SGCG: variants seen among roughly 807,000 people sequenced by gnomAD.
SGCG encodes the protein sarcoglycan gamma.
A neutral mutation model predicts 29.3 loss-of-function variants in SGCG; 26 were observed. The observed-to-expected ratio is 0.89, with a 90% confidence interval of 0.65 to 1.23. SGCG has a LOEUF of 1.23. SGCG is among the 50% of genes most tolerant of loss of function. The pLI, the probability that SGCG is intolerant of heterozygous loss-of-function variation, is 0.00. For synonymous variants in SGCG, 145 were observed against 129.7 expected, an observed-to-expected ratio of 1.12 and a Z score of -0.80; for missense variants, 353 against 356.0, an observed-to-expected ratio of 0.99 and a Z score of 0.07.
rs546170847 is a variant in SGCG at position 23,299,514 on chromosome 13, G to A, written c.578+4027G>A. On this transcript the variant is annotated intron_variant, in intron 6 of 7. Transcript: ENST00000218867. ...TGTCCCCAGGCTGGGGTGCAGTGGC[G>A]CGATCTCGGCTCACTGCAAGCTCCA... is the stretch of plus-strand genomic sequence containing the variant. 1.3e-3 allele frequency among the ~76,000 whole-genome samples: 177 copies of A among 137,560 alleles called. 13 individuals carry two copies. The highest frequency in any genetic ancestry group is 4.5e-3 in the African/African-American group (166 of 36,750). 90.2% of individuals were successfully genotyped at this position (137,560 alleles called of 152,430 possible). A position where few individuals can be genotyped will look rare whatever the true frequency, so the allele number is the denominator to read the frequency against.
At chr13:23,298,497 T>C (rs1881997648) in intron 6 of SGCG, among the ~76,000 whole-genome samples, 1 of 152,214 alleles carries the variant, frequency 6.6e-6, no homozygotes, top group South Asian at 2.1e-4. Context: ...CAATTTATCT[T>C]ACCCACAAAG....
intron 2 of SGCG, among the ~76,000 whole-genome samples, chr13:23,232,651 A>G (rs1879155719): frequency 6.6e-6 from 1 of 152,038 alleles, no homozygotes; most frequent in Admixed American, 6.6e-5. Context: ...GCGTGGTGGC[A>G]GGCACCTGTA....
At chr13:23,260,323 T>G (rs1880375551) in intron 4 of SGCG, among the ~76,000 whole-genome samples, 1 of 152,202 alleles carries the variant, frequency 6.6e-6, no homozygotes. Context: ...TCTTTTGATC[T>G]TTGTTGGTCT....
At chr13:23,212,857 T>C (rs1878278572) in intron 2 of SGCG, among the ~76,000 whole-genome samples, 1 of 152,192 alleles carries the variant, frequency 6.6e-6, no homozygotes, top group Non-Finnish European at 1.5e-5. Context: ...ATCTAAAGTT[T>C]AAATTACACT....
intron 4 of SGCG, among the ~76,000 whole-genome samples, chr13:23,257,335 C>A (rs9550939): frequency 0.36 from 54,457 of 151,866 alleles, 10,501 homozygotes; most frequent in South Asian, 0.5. Flanking sequence ...TATGTATACA[C>A]GTGCCATGTT....
chr13:23,208,879 G>A (rs1467418378), intron 2 of SGCG, among the ~76,000 whole-genome samples: 1 of 151,976 alleles, frequency 6.6e-6, no homozygotes, highest in Non-Finnish European at 1.5e-5. Flanking sequence ...GTGTTCATGA[G>A]TATAGAATAA....
At chr13:23,265,228 T>A (rs201675668) in intron 4 of SGCG, among the ~76,000 whole-genome samples, 1 of 151,712 alleles carries the variant, frequency 6.6e-6, no homozygotes, top group South Asian at 2.1e-4. Context: ...ATATCTGGAA[T>A]CTACGAGGAA....
chr13:23,228,900 C>T lies in SGCG; in HGVS notation c.196-5711C>T, dbSNP rs180713495. Among the ~76,000 whole-genome samples the T allele has an allele frequency of 1.8e-3, 267 of 152,162 alleles. 2 individuals carry two copies. Among genetic ancestry groups the T allele is most frequent in the African/African-American group, 6.0e-3 (249 of 41,522 alleles). ...TTATTTGTTTGTTTGAGACAGGGTC[C>T]TGCCCTGTCACCCAGGCTGGAGTGC... On this transcript the variant is annotated intron_variant, in intron 2 of 7. Coordinates refer to ENST00000218867, the MANE Select transcript of SGCG (RefSeq NM_000231.3).
intron 6 of SGCG, among the ~76,000 whole-genome samples, chr13:23,315,776 G>A (rs1882783945): frequency 6.6e-6 from 1 of 152,196 alleles, no homozygotes; most frequent in Non-Finnish European, 1.5e-5. Flanking sequence ...TCAGGGACTT[G>A]GAAGAAGCAT....
chr13:23,197,744 T>TGAA (rs1477434400), intron 1 of SGCG, among the ~76,000 whole-genome samples: 1 of 152,016 alleles, frequency 6.6e-6, no homozygotes, highest in East Asian at 1.9e-4. Context: ...ATATCTTAAT[T>TGAA]GAAGCCCCAG....
At chr13:23,209,156 T>C (rs888897690) in intron 2 of SGCG, among the ~76,000 whole-genome samples, 2 of 152,268 alleles carry the variant, frequency 1.3e-5, no homozygotes, top group African/African-American at 4.8e-5. Context: ...CTAAATGTTA[T>C]CATTAAGCTT....
chr13:23,189,369 G>A (rs186860165), intron 1 of SGCG, among the ~76,000 whole-genome samples: 1 of 152,152 alleles, frequency 6.6e-6, no homozygotes, highest in African/African-American at 2.4e-5. Context: ...TAGAGATGGG[G>A]CTTCACTGTG....
chr13:23,248,616 C>G (rs780452260), intron 3 of SGCG, among the ~76,000 whole-genome samples: 1 of 151,236 alleles, frequency 6.6e-6, no homozygotes, highest in Non-Finnish European at 1.5e-5. Flanking sequence ...ATGGCGGGAA[C>G]CCGGGAGGCG....
At chr13:23,190,118 A>G in intron 1 of SGCG, among the ~76,000 whole-genome samples, 1 of 148,508 alleles carries the variant, frequency 6.7e-6, no homozygotes, top group East Asian at 2.1e-4. Context: ...TAATTTTAGT[A>G]TAATGGCTCT....
At chr13:23,299,084 C>T (rs1437712223) in intron 6 of SGCG, among the ~76,000 whole-genome samples, 1 of 152,038 alleles carries the variant, frequency 6.6e-6, no homozygotes, top group South Asian at 2.1e-4. Context: ...ATTTTATCCC[C>T]ATTTTATAAA....
intron 5 of SGCG, among the ~76,000 whole-genome samples, chr13:23,286,792 G>A (rs114990373): frequency 8.1e-4 from 124 of 152,274 alleles, no homozygotes; most frequent in African/African-American, 2.9e-3. Context: ...TTCTTGTGAT[G>A]ATGTGAGATG....
intron 6 of SGCG, among the ~76,000 whole-genome samples, chr13:23,296,265 CA>C (rs531486131): frequency 2.2e-4 from 34 of 152,232 alleles, no homozygotes; most frequent in African/African-American, 7.5e-4. Context: ...GTGAAATGTG[CA>C]AAAGGCACTC....
At chr13:23,320,405 G>A (rs1882988201) in intron 6 of SGCG, among the ~76,000 whole-genome samples, 1 of 152,072 alleles carries the variant, frequency 6.6e-6, no homozygotes, top group East Asian at 1.9e-4. Context: ...GTTTTTATCG[G>A]CTTTTAGAGG....
At chr13:23,293,050 A>G (rs1881777234) in intron 5 of SGCG, among the ~76,000 whole-genome samples, 2 of 152,226 alleles carry the variant, frequency 1.3e-5, no homozygotes, top group Non-Finnish European at 2.9e-5. Context: ...CACATCAGCA[A>G]ACCAGACATT....
Sources: gnomAD v4.1 joint callset for allele counts (sites outside exome capture counted in the v4.1 genomes callset) on GRCh38, gnomAD v4.1.1 for gene constraint, MANE v1.5 for transcripts, NCBI Gene and HGNC (gene_info 2026-07-23, HGNC 2026-07-21) for gene names.